Variants in P2RY8 observed in about 807,000 individuals in gnomAD.
The protein encoded by P2RY8 is S-geranylgeranyl-glutathione receptor P2RY8.
A neutral mutation model predicts 10.0 loss-of-function variants in P2RY8; 6 were observed. That is an observed-to-expected ratio of 0.60 (90% CI 0.33 to 1.19). P2RY8 has a LOEUF of 1.19. P2RY8 is among the 50% of genes most tolerant of loss of function. The pLI is 0.04. For missense variants in P2RY8, 456 were observed against 542.0 expected (o/e 0.84, Z 1.58); for synonymous variants, 276 against 252.5 (o/e 1.09, Z -0.88).
rs2091676723 is a variant in P2RY8, at chrX:1,466,402, C to G, written c.157G>C (p.Gly53Arg). ...AAGATGACCGACGGGGATCTGGGCC[C>G]CATGCGCCGGCACAGCACCCACAGA... ...FSLWVLCRRMGPRSPSVIFMI... is the reference protein window; with the variant it reads ...FSLWVLCRRMRPRSPSVIFMI... Residue 53 changes from glycine (G) to arginine (R), a missense_variant, in exon 2 of 2, where the codon GGG becomes CGG. Coordinates refer to ENST00000381297, the MANE Select transcript of P2RY8 (RefSeq NM_178129.5). 3.1e-6 allele frequency: 5 copies of G among 1,613,508 alleles called. No homozygotes were observed. Among genetic ancestry groups the G allele is most frequent in the Middle Eastern group, 1.7e-4 (1 of 5,910 alleles).
At chrX:1,498,123 G>A (rs1487436758) in intron 1 of P2RY8, among the ~76,000 whole-genome samples, 12 of 151,804 alleles carry the variant, frequency 7.9e-5, no homozygotes, top group African/African-American at 2.7e-4. Flanking sequence ...AACTGTTGAT[G>A]AGGCCGGGCG....
chrX:1,509,056 CATCTATCTATGTATCT>C (rs1181392998), intron 1 of P2RY8, among the ~76,000 whole-genome samples: 16 of 119,062 alleles, frequency 1.3e-4, no homozygotes, highest in African/African-American at 3.6e-4. Flanking sequence ...TCTATCTATG[CATCTATCTATGTATCT>C]ATCTATGTAT....
intron 1 of P2RY8, among the ~76,000 whole-genome samples, chrX:1,527,038 C>G (rs1175822380): frequency 6.6e-6 from 1 of 152,064 alleles, no homozygotes; most frequent in Non-Finnish European, 1.5e-5. Context: ...GGATTACAGG[C>G]GCCCACTACC....
chrX:1,475,483 G>A (rs1476454225), intron 1 of P2RY8, among the ~76,000 whole-genome samples: 3 of 152,016 alleles, frequency 2.0e-5, no homozygotes, highest in African/African-American at 4.8e-5. Context: ...AGGATGGGGA[G>A]AGAATGCATT....
intron 1 of P2RY8, among the ~76,000 whole-genome samples, chrX:1,512,933 A>T (rs1284112564): frequency 6.6e-6 from 1 of 151,984 alleles, no homozygotes; most frequent in African/African-American, 2.4e-5. Flanking sequence ...TCCGTATGCC[A>T]TGGTGGTTTG....
At chrX:1,529,312 T>A (rs73186967) in intron 1 of P2RY8, among the ~76,000 whole-genome samples, 14,811 of 152,150 alleles carry the variant, frequency 0.097, 820 homozygotes, top group African/African-American at 0.12. Flanking sequence ...CAGAGTCCCT[T>A]GACCCAGCCC....
Position 1,466,424 on chromosome X carries a change from C to G in P2RY8, c.135G>C (p.Leu45=), listed in dbSNP as rs375311265. The G allele has an allele frequency of 1.2e-6, 2 of 1,613,146 alleles. No individual in the cohort carries two copies. The highest frequency in any genetic ancestry group is 1.7e-5 in the Admixed American group (1 of 59,978). The change falls in exon 2 of 2, where the codon CTG becomes CTC. Residue 45 remains leucine (L), a synonymous_variant. Transcript: ENST00000381297. ...AVSIPGNLFS[L]WVLCRRMGPR... is the part of the protein sequence containing the mutation. ...GCCCCATGCGCCGGCACAGCACCCA[C>G]AGAGAGAAGAGGTTGCCCGGGATGC...
intron 1 of P2RY8, among the ~76,000 whole-genome samples, chrX:1,509,379 TCTA>T (rs1290108833): frequency 6.0e-3 from 262 of 43,686 alleles, no homozygotes; most frequent in African/African-American, 0.014. Flanking sequence ...ATCTATTCTA[TCTA>T]TCTATCTATC....
intron 1 of P2RY8, among the ~76,000 whole-genome samples, chrX:1,488,425 C>T (rs1487051420): frequency 2.0e-5 from 3 of 152,190 alleles, no homozygotes; most frequent in African/African-American, 2.4e-5. Flanking sequence ...GTCCCCACAG[C>T]GGTGGGACCA....
chrX:1,507,909 G>A (rs181002588), intron 1 of P2RY8, among the ~76,000 whole-genome samples: 187 of 152,252 alleles, frequency 1.2e-3, no homozygotes, highest in Non-Finnish European at 1.9e-3. Context: ...AGCCCCGTCT[G>A]GCACTCAACA....
intron 1 of P2RY8, among the ~76,000 whole-genome samples, chrX:1,482,097 C>T (rs1226411713): frequency 6.6e-6 from 1 of 151,868 alleles, no homozygotes; most frequent in African/African-American, 2.4e-5. Context: ...CATCGCTGGC[C>T]AGAGAGCAGA....
In P2RY8 at chrX:1,465,367, G is replaced by T; in HGVS notation, c.*112C>A. 2 of 1,487,702 alleles carry T rather than the reference G, an allele frequency of 1.3e-6. No individual in the cohort carries two copies. The highest frequency in any genetic ancestry group is 4.6e-5 in the East Asian group (2 of 43,950). The allele number at this position is 1,487,702 out of a possible 1,614,324, so 92.2% of individuals were successfully genotyped here. A position where few individuals can be genotyped will look rare whatever the true frequency, so the allele number is the denominator to read the frequency against. On this transcript the variant is annotated 3_prime_UTR_variant, in exon 2 of 2. Transcript: ENST00000381297. Reference sequence around the variant, plus strand: ...GACCCTTCCCCACCGGGCCTCTGCAGTGCCTGGGAGCAACGCAGCTGTTCT... The same window carrying T: ...GACCCTTCCCCACCGGGCCTCTGCATTGCCTGGGAGCAACGCAGCTGTTCT...
intron 1 of P2RY8, among the ~76,000 whole-genome samples, chrX:1,498,426 A>G (rs1258138475): frequency 1.3e-5 from 2 of 151,320 alleles, no homozygotes; most frequent in Non-Finnish European, 2.9e-5. Flanking sequence ...AAAAAAAAGA[A>G]AAAGAAAGAA....
At chrX:1,527,055 G>T (rs1313863855) in intron 1 of P2RY8, among the ~76,000 whole-genome samples, 1 of 151,998 alleles carries the variant, frequency 6.6e-6, no homozygotes, top group Non-Finnish European at 1.5e-5. Context: ...TACCACGCCT[G>T]GCTAATTTTT....
chrX:1,465,653 C>T lies in P2RY8; in HGVS notation c.906G>A (p.Leu302=). 1 of 1,613,554 alleles carries T rather than the reference C, an allele frequency of 6.2e-7. No homozygotes were observed. The highest frequency in any genetic ancestry group is 8.5e-7 in the Non-Finnish European group (1 of 1,179,838). The part of the protein sequence containing the change: ...VYYFASREFQ[L]RLREYLGCRR... ...GGCAGCCCAAATATTCCCGCAGGCG[C>T]AGCTGGAATTCCCGGGACGCAAAGT... Residue 302 remains leucine (L), a synonymous_variant, in exon 2 of 2, where the codon CTG becomes CTA. Transcript: ENST00000381297.
intron 1 of P2RY8, among the ~76,000 whole-genome samples, chrX:1,527,775 T>A (rs2092449045): frequency 6.6e-6 from 1 of 152,290 alleles, no homozygotes. Flanking sequence ...TACATATCCA[T>A]CCATCCACTC....
intron 1 of P2RY8, among the ~76,000 whole-genome samples, chrX:1,516,161 C>T (rs2092346697): frequency 1.3e-5 from 2 of 151,344 alleles, no homozygotes; most frequent in African/African-American, 2.4e-5. Context: ...TGCACCACTG[C>T]ACTCCAGCCT....
At chrX:1,496,944 C>G (rs2092122948) in intron 1 of P2RY8, among the ~76,000 whole-genome samples, 2 of 150,474 alleles carry the variant, frequency 1.3e-5, no homozygotes, top group Non-Finnish European at 2.9e-5. Flanking sequence ...TCAGGCCGGG[C>G]GTGGTGGCTC....
At chrX:1,472,083 C>G (rs28453181) in intron 1 of P2RY8, among the ~76,000 whole-genome samples, 1 of 152,060 alleles carries the variant, frequency 6.6e-6, no homozygotes, top group Non-Finnish European at 1.5e-5. Flanking sequence ...ACAAAACAGA[C>G]GCTGGCTTCA....
Sources: gnomAD v4.1 joint callset for allele counts (sites outside exome capture counted in the v4.1 genomes callset) on GRCh38, gnomAD v4.1.1 for gene constraint, MANE v1.5 for transcripts, NCBI Gene and HGNC (gene_info 2026-07-23, HGNC 2026-07-21) for gene names.